The following COL13A1 variants were observed in gnomAD, a reference collection of about 807,000 sequenced individuals.
The protein encoded by COL13A1 is collagen type XIII alpha 1 chain, also known as collagen alpha-1(XIII) chain.
Under a neutral mutation model 130.9 loss-of-function variants are expected in COL13A1, and 89 were observed. The ratio of observed to expected loss-of-function variants is 0.68; its 90% CI spans 0.57 to 0.81. The LOEUF (loss-of-function observed/expected upper bound fraction) is 0.81. Ranked by LOEUF, COL13A1 falls within the 30% of genes least tolerant of loss-of-function variation. The pLI is 0.00. For missense variants in COL13A1, 879 were observed against 934.6 expected, an observed-to-expected ratio of 0.94 and a Z score of 0.78; for synonymous variants, 402 against 341.6, an observed-to-expected ratio of 1.18 and a Z score of -1.95.
intron 1 of COL13A1, among the ~76,000 whole-genome samples, chr10:69,807,544 G>T (rs1260814007): frequency 1.3e-5 from 2 of 152,200 alleles, no homozygotes. Flanking sequence ...ATAGGGGAGG[G>T]ATCAAAGCAG....
At chr10:69,891,641 C>T (rs772513574) in intron 10 of COL13A1, among the ~76,000 whole-genome samples, 6 of 152,200 alleles carry the variant, frequency 3.9e-5, no homozygotes, top group Non-Finnish European at 8.8e-5. Flanking sequence ...GAAGAAACTG[C>T]CATGCCACAT....
chr10:69,895,447 G>A (rs2134836369), intron 12 of COL13A1, 103 bp from the exon 13 acceptor site: 1 of 1,241,384 alleles, frequency 8.1e-7, no homozygotes, highest in Non-Finnish European at 1.2e-6. Context: ...GGGCTGGTGA[G>A]CGGTGACATG....
intron 34 of COL13A1, among the ~76,000 whole-genome samples, chr10:69,938,192 G>A (rs1329059177): frequency 6.6e-6 from 1 of 152,176 alleles, no homozygotes; most frequent in Admixed American, 6.5e-5. Flanking sequence ...GTCCCAGCAG[G>A]CCAAGGCCGT....
chr10:69,871,181 G>T (rs907373089), intron 3 of COL13A1, among the ~76,000 whole-genome samples: 1 of 152,072 alleles, frequency 6.6e-6, no homozygotes, highest in African/African-American at 2.4e-5. Context: ...AGAGGGCATT[G>T]GTTGAGCACT....
At chr10:69,930,643 G>C (rs914390544) in intron 30 of COL13A1, 91 bp downstream of exon 30, 18 of 1,400,864 alleles carry the variant, frequency 1.3e-5, no homozygotes, top group Middle Eastern at 5.1e-4. Context: ...CATGATGTGA[G>C]CTGCTGCCTG....
intron 7 of COL13A1, among the ~76,000 whole-genome samples, chr10:69,884,410 C>G (rs2060425980): frequency 1.3e-5 from 2 of 152,196 alleles, no homozygotes. Context: ...GTGAGGGAGG[C>G]AGAATGAGGC....
intron 17 of COL13A1, among the ~76,000 whole-genome samples, chr10:69,914,122 G>A (rs1437594485): frequency 6.6e-6 from 1 of 152,172 alleles, no homozygotes; most frequent in Non-Finnish European, 1.5e-5. Context: ...GCTCTGCACA[G>A]TTTCTTCCAG....
At chr10:69,846,708 C>T (rs997477648) in intron 2 of COL13A1, among the ~76,000 whole-genome samples, 15 of 152,228 alleles carry the variant, frequency 9.9e-5, no homozygotes, top group South Asian at 2.1e-4. Flanking sequence ...TCCCAATAGG[C>T]GCCTCCTTAA....
intron 13 of COL13A1, among the ~76,000 whole-genome samples, chr10:69,897,175 G>T (rs1053838502): frequency 6.6e-6 from 1 of 152,202 alleles, no homozygotes; most frequent in Non-Finnish European, 1.5e-5. Context: ...TGTCAAGCGT[G>T]GGGTGGGGGC....
rs59126631 is a variant in COL13A1 at position 69,875,230 on chromosome 10, A to T, written c.435+67A>T. The T allele has an allele frequency of 0.21, 334,034 of 1,593,734 alleles. 36,589 individuals carry two copies. Among genetic ancestry groups the T allele is most frequent in the African/African-American group, 0.33 (24,730 of 74,520 alleles). On this transcript the variant is annotated intron_variant, in intron 5 of 40. Transcript: ENST00000645393. ...GCTTCTCCGTGCTGGCCTGTCCTCT[A>T]AACCATGGCAATGTGCTGTCTATCC...
chr10:69,861,843 C>T (rs1041029271), intron 2 of COL13A1, among the ~76,000 whole-genome samples: 7 of 152,106 alleles, frequency 4.6e-5, no homozygotes, highest in African/African-American at 1.7e-4. Context: ...AAACTGCTGC[C>T]CACTTCTCCC....
chr10:69,885,234 TAAATGCC>T (rs1047421929), intron 7 of COL13A1, among the ~76,000 whole-genome samples: 60 of 152,160 alleles, frequency 3.9e-4, no homozygotes, highest in African/African-American at 1.4e-3. Context: ...AGAAACAAAA[TAAATGCC>T]AAATGCCAAA....
intron 2 of COL13A1, among the ~76,000 whole-genome samples, chr10:69,866,851 C>A (rs891450446): frequency 1.3e-5 from 2 of 151,996 alleles, no homozygotes; most frequent in African/African-American, 4.8e-5. Context: ...CTTTATTGGC[C>A]GAGCATAAAA....
At chr10:69,897,736 CA>C (rs1221683564) in intron 13 of COL13A1, among the ~76,000 whole-genome samples, 2 of 152,212 alleles carry the variant, frequency 1.3e-5, no homozygotes, top group Non-Finnish European at 2.9e-5. Context: ...GCAGCCCAAG[CA>C]GCTCCTGGTT....
At chr10:69,867,890 G>C in intron 3 of COL13A1, 85 bp downstream of exon 3, 1 of 714,502 alleles carries the variant, frequency 1.4e-6, no homozygotes, top group South Asian at 1.5e-5. Flanking sequence ...GGCACTGAAA[G>C]CTGGGCCCCT....
intron 40 of COL13A1, among the ~76,000 whole-genome samples, chr10:69,957,312 A>C (rs991503543): frequency 1.3e-5 from 2 of 152,226 alleles, no homozygotes; most frequent in African/African-American, 4.8e-5. Context: ...TTCAATGTAC[A>C]TAGTGTCTTT....
intron 1 of COL13A1, among the ~76,000 whole-genome samples, chr10:69,811,437 G>A (rs564242326): frequency 3.3e-5 from 5 of 152,296 alleles, no homozygotes; most frequent in East Asian, 1.9e-4. Context: ...GTGACCTCTC[G>A]GGACAGGGAT....
chr10:69,845,174 TTTTTC>T (rs922380891), intron 2 of COL13A1, among the ~76,000 whole-genome samples: 1 of 146,122 alleles, frequency 6.8e-6, no homozygotes, highest in South Asian at 2.2e-4. Flanking sequence ...TTCTTTTCTC[TTTTTC>T]TTTTCTTTTC....
intron 2 of COL13A1, among the ~76,000 whole-genome samples, chr10:69,823,222 G>A (rs1237874793): frequency 6.6e-6 from 1 of 152,204 alleles, no homozygotes. Context: ...CACCATGAAT[G>A]CAAGTGATAA....
Sources: gnomAD v4.1 joint callset for allele counts (sites outside exome capture counted in the v4.1 genomes callset) on GRCh38, gnomAD v4.1.1 for gene constraint, MANE v1.5 for transcripts, NCBI Gene and HGNC (gene_info 2026-07-23, HGNC 2026-07-21) for gene names.